MON2: variants seen among roughly 807,000 people sequenced by gnomAD.
MON2 encodes the protein MON2 regulator of endosome-to-Golgi trafficking, also known as protein MON2 homolog.
A neutral mutation model predicts 208.6 loss-of-function variants in MON2; 84 were observed. The observed-to-expected ratio is 0.40, with a 90% CI of 0.34 to 0.48. The LOEUF is 0.48. MON2 is among the 20% of genes least tolerant of loss of function. The pLI, the probability that MON2 is intolerant of heterozygous loss-of-function variation, is 0.59. For synonymous variants in MON2, 660 were observed against 694.0 expected (o/e 0.95, Z 0.77); for missense variants, 1,611 against 2,015.4 (o/e 0.80, Z 3.84).
rs770497019 is a variant in MON2 at position 62,592,586 on chromosome 12, T to C, written c.4991T>C (p.Val1664Ala). The C allele has an allele frequency of 6.3e-7, 1 of 1,586,564 alleles. No homozygotes were observed. The highest frequency in any genetic ancestry group is 8.6e-7 in the Non-Finnish European group (1 of 1,159,628). ...DSLKKTQPEN[V>A]DGNTWAQVIA... The stretch of plus-strand genomic sequence containing the variant: ...GAGGTTTTATACTTTTGCATTACAG[T>C]TGATGGAAATACCTGGGCACAAGTA... Residue 1664 changes from valine to alanine, a missense_variant and splice_region_variant, in exon 35 of 35, where the codon GTT becomes GCT. Physicochemically the swap from Val to Ala is moderately conservative, Grantham distance 64. Transcript: ENST00000393630.
intron 8 of MON2, among the ~76,000 whole-genome samples, chr12:62,517,713 A>ATT (rs2071779045): frequency 1.3e-5 from 2 of 152,130 alleles, no homozygotes; most frequent in African/African-American, 4.8e-5. Context: ...CAGCCTCCAG[A>ATT]ATTGTAACAA....
chr12:62,530,263 C>T (rs1296557022), intron 11 of MON2, among the ~76,000 whole-genome samples: 2 of 146,026 alleles, frequency 1.4e-5, no homozygotes, highest in African/African-American at 5.1e-5. Flanking sequence ...CGGAGTCTCG[C>T]TCTGTCACCC....
At chr12:62,588,356 G>A (rs2075285773) in intron 34 of MON2, among the ~76,000 whole-genome samples, 200 bp downstream of exon 34, 1 of 147,500 alleles carries the variant, frequency 6.8e-6, no homozygotes, top group South Asian at 2.2e-4. Flanking sequence ...CATTTTTTAT[G>A]AAGCAGTCTA....
chr12:62,557,597 A>G (rs1189481920), intron 25 of MON2, among the ~76,000 whole-genome samples: 1 of 152,182 alleles, frequency 6.6e-6, no homozygotes, highest in Non-Finnish European at 1.5e-5. Flanking sequence ...CATGTTGTAC[A>G]TATTATCTAT....
At chr12:62,575,924 C>T (rs12308140) in intron 30 of MON2, among the ~76,000 whole-genome samples, 25,720 of 152,062 alleles carry the variant, frequency 0.17, 2,621 homozygotes, top group African/African-American at 0.29. Context: ...GTGGACCTTA[C>T]ATTAAAAATC....
chr12:62,555,913 G>T, intron 24 of MON2, 81 bp from the exon 25 acceptor site: 3 of 1,051,224 alleles, frequency 2.9e-6, no homozygotes, highest in Non-Finnish European at 4.2e-6. Context: ...ACAATTTGTA[G>T]ATTCTTATGC....
At chr12:62,476,104 T>G (rs1250198977) in intron 1 of MON2, among the ~76,000 whole-genome samples, 1 of 152,140 alleles carries the variant, frequency 6.6e-6, no homozygotes, top group Admixed American at 6.6e-5. Context: ...TGCATTCCAG[T>G]CTTTGATTTG....
chr12:62,501,636 C>G lies in MON2; in HGVS notation c.727C>G (p.Arg243Gly), dbSNP rs781504027. 1.9e-6 allele frequency: 3 copies of G among 1,613,996 alleles called. No homozygotes were observed. In the South Asian group the frequency reaches 3.3e-5, roughly 18 times the overall value. The stretch of plus-strand genomic sequence containing the variant: ...GCTAGTGGGCATGACAGAAATGACT[C>G]GGACGTTTGGCCTCGAATTACTTGA... ...YWLVGMTEMTRTFGLELLESV... is the reference protein window; with the variant it reads ...YWLVGMTEMTGTFGLELLESV... The change falls in exon 7 of 35, where the codon CGG becomes GGG. Residue 243 changes from arginine to glycine, a missense_variant. Coordinates refer to ENST00000393630, the MANE Select transcript of MON2 (RefSeq NM_015026.3).
At chr12:62,492,204 G>A (rs1312802420) in intron 2 of MON2, among the ~76,000 whole-genome samples, 2 of 152,018 alleles carry the variant, frequency 1.3e-5, no homozygotes, top group Admixed American at 6.5e-5. Context: ...AAGAAGGTGA[G>A]GATTTAAATG....
intron 8 of MON2, among the ~76,000 whole-genome samples, chr12:62,519,204 A>C (rs1489464461): frequency 6.6e-6 from 1 of 152,196 alleles, no homozygotes; most frequent in Non-Finnish European, 1.5e-5. Context: ...GCAGAAAGGC[A>C]CTGGGGACGC....
intron 1 of MON2, among the ~76,000 whole-genome samples, chr12:62,479,092 G>T (rs2069250204): frequency 1.3e-5 from 2 of 152,132 alleles, no homozygotes; most frequent in Non-Finnish European, 2.9e-5. Flanking sequence ...TCGAATTTAA[G>T]GTGCCTTTTA....
rs1407809769 is a variant in MON2 at position 62,534,926 on chromosome 12, G to C, written c.1715G>C (p.Ser572Thr). 1 of 1,605,966 alleles carries C rather than the reference G, an allele frequency of 6.2e-7. No homozygotes were observed. Residue 572 changes from serine to threonine, a missense_variant and splice_region_variant, in exon 13 of 35, where the codon AGC becomes ACC. Transcript: ENST00000393630. ...GCACTCTCACTCCTTCTTGATGCCA[G>C]GTATTAAGTCTTTGTAAGTTTTATA... Reference protein sequence around the residue: ...LAALSLLLDASTDEAATENIL... With the variant: ...LAALSLLLDATTDEAATENIL...
chr12:62,478,841 A>G (rs1055796935), intron 1 of MON2, among the ~76,000 whole-genome samples: 11 of 152,276 alleles, frequency 7.2e-5, no homozygotes, highest in South Asian at 4.1e-4. Context: ...GTTGATAATG[A>G]GTGTTGAACT....
chr12:62,592,449 TAAAAA>T (rs1428868986), intron 34 of MON2, 132 bp from the exon 35 acceptor site: 2 of 653,028 alleles, frequency 3.1e-6, no homozygotes, highest in African/African-American at 3.6e-5. Context: ...ATTAAAAAGA[TAAAAA>T]GATACAAGCT....
chr12:62,566,444 TA>T lies in MON2; in HGVS notation c.4318del (p.Ile1440LeufsTer10). On this transcript the variant is annotated frameshift_variant, in exon 29 of 35. Coordinates refer to ENST00000393630, the MANE Select transcript of MON2 (RefSeq NM_015026.3). LOFTEE classifies it high-confidence loss of function. ...TGAATGAGAAAGTGCTCCAGAATAT[TA>T]TTAAGGTATCTTTTTTTCATTTCTA... is the stretch of plus-strand genomic sequence containing the variant. The part of the protein sequence containing the change: ...VVNEKVLQNI[I>X]KTLRVPLSLK... 6.2e-7 allele frequency: 1 copy of T among 1,610,746 alleles called. No homozygotes were observed. Among genetic ancestry groups the T allele is most frequent in the Non-Finnish European group, 8.5e-7 (1 of 1,178,898 alleles).
chr12:62,576,564 TTAAA>T (rs2074793863), intron 30 of MON2, among the ~76,000 whole-genome samples: 1 of 152,012 alleles, frequency 6.6e-6, no homozygotes, highest in Non-Finnish European at 1.5e-5. Context: ...CTTTTTTATT[TTAAA>T]TAAAGATTCA....
rs746380187 is a variant in MON2 at position 62,467,312 on chromosome 12, C to G, written c.105C>G (p.Val35=). ...SLECKKKFPP[V]KEAAESGIIK... Reference sequence around the variant, plus strand: ...AGTGCAAGAAGAAATTCCCACCTGTCAAAGAGGTAAGCTTCAGGTGACGTC... The same window carrying G: ...AGTGCAAGAAGAAATTCCCACCTGTGAAAGAGGTAAGCTTCAGGTGACGTC... Residue 35 remains valine (V), a synonymous_variant, in exon 1 of 35, where the codon GTC becomes GTG. Coordinates refer to ENST00000393630, the MANE Select transcript of MON2 (RefSeq NM_015026.3). 7 of 1,613,682 alleles carry G rather than the reference C, an allele frequency of 4.3e-6. No individual in the cohort carries two copies. The Admixed American group carries it at 1.2e-4, about 27-fold the overall frequency.
intron 11 of MON2, among the ~76,000 whole-genome samples, chr12:62,530,545 G>A (rs547638936): frequency 6.6e-6 from 1 of 152,154 alleles, no homozygotes; most frequent in South Asian, 2.1e-4. Flanking sequence ...ATAATGTTTT[G>A]AAGGTTCATC....
chr12:62,552,651 TA>T (rs753027170), intron 23 of MON2, among the ~76,000 whole-genome samples: 115 of 143,024 alleles, frequency 8.0e-4, no homozygotes, highest in South Asian at 2.0e-3. Context: ...AATAAAAAAG[TA>T]AAAAAAAAAA....
Sources: allele counts gnomAD v4.1 joint callset (sites outside exome capture counted in the v4.1 genomes callset), GRCh38; gene constraint gnomAD v4.1.1; transcripts MANE v1.5; gene names NCBI Gene and HGNC (gene_info 2026-07-23, HGNC 2026-07-21).